GRM7: variants seen among roughly 807,000 people sequenced by gnomAD.
The protein encoded by GRM7 is metabotropic glutamate receptor 7.
A neutral mutation model predicts 84.5 loss-of-function variants in GRM7; 35 were observed. The ratio of observed to expected loss-of-function variants is 0.41; its 90% confidence interval spans 0.32 to 0.55. The LOEUF (loss-of-function observed/expected upper bound fraction) is 0.55, where lower values mean the gene tolerates loss of function less well. GRM7 is among the 20% of genes least tolerant of loss of function. The pLI is 0.19. For missense variants in GRM7, 1,003 were observed against 1,194.6 expected (o/e 0.84, Z 2.36); for synonymous variants, 487 against 455.1 (o/e 1.07, Z -0.89).
At chr3:7,579,632 TTATC>T (rs1695149550) in intron 8 of GRM7, among the ~76,000 whole-genome samples, 1 of 152,196 alleles carries the variant, frequency 6.6e-6, no homozygotes, top group Non-Finnish European at 1.5e-5. Flanking sequence ...TAGCATAAAA[TTATC>T]TATCTAAAAT....
At position 7,168,691 on chromosome 3, in the gene GRM7, C is replaced by T. The variant is rs184665484; in HGVS notation, c.736+22023C>T. ...TCCTGTTAATATAATCTAAATATAC[C>T]ATACAACACTAACAATTTAGCTGCC... On this transcript the variant is annotated intron_variant, in intron 2 of 9. Transcript: ENST00000357716. Among the ~76,000 whole-genome samples, 35 of 152,226 alleles carry T rather than the reference C, an allele frequency of 2.3e-4. 1 individual carries two copies. The East Asian group carries it at 6.6e-3, about 29-fold the overall frequency.
chr3:7,096,317 G>A (rs1698859014), intron 1 of GRM7, among the ~76,000 whole-genome samples: 1 of 152,116 alleles, frequency 6.6e-6, no homozygotes, highest in African/African-American at 2.4e-5. Context: ...GCCATACTTT[G>A]AGGGTCCCCA....
intron 2 of GRM7, among the ~76,000 whole-genome samples, chr3:7,218,080 T>C (rs1696674894): frequency 1.3e-5 from 2 of 152,164 alleles, no homozygotes; most frequent in Non-Finnish European, 2.9e-5. Context: ...CTGTAGTGAC[T>C]GGGATATGAC....
At chr3:7,675,088 T>A (rs1003498101) in intron 8 of GRM7, among the ~76,000 whole-genome samples, 2 of 152,198 alleles carry the variant, frequency 1.3e-5, no homozygotes, top group Admixed American at 6.5e-5. Flanking sequence ...TGGTGATTCA[T>A]TAGTATTCAT....
intron 1 of GRM7, among the ~76,000 whole-genome samples, chr3:7,076,494 C>A (rs960548347): frequency 1.3e-5 from 2 of 152,146 alleles, no homozygotes; most frequent in African/African-American, 4.8e-5. Flanking sequence ...ATGTAAGATG[C>A]ACTTGCTTCC....
intron 8 of GRM7, among the ~76,000 whole-genome samples, chr3:7,670,346 T>C (rs960586247): frequency 2.0e-5 from 3 of 152,166 alleles, no homozygotes; most frequent in African/African-American, 7.2e-5. Flanking sequence ...TAAGAGCCAG[T>C]ATTAACAAGA....
chr3:7,589,194 T>G (rs930303788), intron 8 of GRM7, among the ~76,000 whole-genome samples: 1 of 152,236 alleles, frequency 6.6e-6, no homozygotes, highest in Non-Finnish European at 1.5e-5. Flanking sequence ...CCCTTGGTTT[T>G]AACCCAGCAA....
At chr3:7,287,898 C>G (rs1699486075) in intron 2 of GRM7, among the ~76,000 whole-genome samples, 2 of 152,210 alleles carry the variant, frequency 1.3e-5, no homozygotes, top group African/African-American at 4.8e-5. Context: ...TAGCACAATT[C>G]TTAAAGCTCA....
chr3:6,981,786 CA>C (rs200539138), intron 1 of GRM7, among the ~76,000 whole-genome samples: 4 of 151,694 alleles, frequency 2.6e-5, no homozygotes, highest in Non-Finnish European at 5.9e-5. Flanking sequence ...ATTAGAACAT[CA>C]AAAAAACAAC....
rs181003333 is a variant in GRM7 at position 7,338,199 on chromosome 3, C to A, written c.1033+31547C>A. ...GATAAAATAATGGCATTTGCAACAA[C>A]GTGGATGGAGTTGGAGACCATTATT... is the stretch of plus-strand genomic sequence containing the variant. On this transcript the variant is annotated intron_variant, in intron 4 of 9. Coordinates refer to ENST00000357716, the MANE Select transcript of GRM7 (RefSeq NM_000844.4). Among the ~76,000 whole-genome samples the A allele has an allele frequency of 2.0e-4, 31 of 151,626 alleles. No individual in the cohort carries two copies. In the East Asian group the frequency reaches 3.5e-3, roughly 17 times the overall value.
intron 1 of GRM7, among the ~76,000 whole-genome samples, chr3:7,114,257 G>A (rs1020730577): frequency 2.0e-5 from 3 of 152,114 alleles, no homozygotes; most frequent in Admixed American, 6.6e-5. Context: ...CATTGTAATG[G>A]TTTAATGAGC....
chr3:6,864,088 C>T (rs1342927019), intron 1 of GRM7, among the ~76,000 whole-genome samples: 1 of 152,142 alleles, frequency 6.6e-6, no homozygotes, highest in African/African-American at 2.4e-5. Context: ...TTAGCGTTAG[C>T]GTTATGGCTG....
At chr3:6,996,059 T>A (rs1019433949) in intron 1 of GRM7, among the ~76,000 whole-genome samples, 4 of 151,874 alleles carry the variant, frequency 2.6e-5, no homozygotes, top group South Asian at 2.1e-4. Flanking sequence ...TACAATATAT[T>A]TTTTTTTGAG....
chr3:7,434,802 CA>C (rs528143443), intron 5 of GRM7, among the ~76,000 whole-genome samples: 1 of 151,954 alleles, frequency 6.6e-6, no homozygotes, highest in African/African-American at 2.4e-5. Context: ...ATGCTGGACA[CA>C]AAAAAATGAG....
chr3:6,917,919 A>G (rs1216643162), intron 1 of GRM7, among the ~76,000 whole-genome samples: 1 of 152,174 alleles, frequency 6.6e-6, no homozygotes, highest in Non-Finnish European at 1.5e-5. Flanking sequence ...AAAGGGATCA[A>G]TTTGGAATTA....
intron 8 of GRM7, among the ~76,000 whole-genome samples, chr3:7,622,299 A>G (rs1284565317): frequency 1.3e-5 from 2 of 152,124 alleles, no homozygotes; most frequent in South Asian, 2.1e-4. Flanking sequence ...CCTTCCCTTC[A>G]TATTGTCTCT....
intron 8 of GRM7, among the ~76,000 whole-genome samples, chr3:7,652,470 C>G (rs1195518899): frequency 6.6e-6 from 1 of 152,200 alleles, no homozygotes; most frequent in Non-Finnish European, 1.5e-5. Context: ...GTTTGCTTAG[C>G]TCTGCCCCTT....
intron 8 of GRM7, among the ~76,000 whole-genome samples, chr3:7,586,638 T>G (rs988721596): frequency 7.9e-5 from 12 of 152,086 alleles, no homozygotes; most frequent in South Asian, 2.1e-4. Context: ...TGAAATCCTG[T>G]CTCTACCTAA....
In GRM7 at chr3:7,320,663, C is replaced by T. The variant is rs75284854; in HGVS notation, c.1033+14011C>T. Among the ~76,000 whole-genome samples the T allele has an allele frequency of 6.4e-3, 916 of 142,184 alleles. 9 individuals are homozygous for T. Among genetic ancestry groups the T allele is most frequent in the African/African-American group, 0.023 (853 of 36,944 alleles). The allele number at this position is 142,184 out of a possible 152,430, so 93.3% of individuals were successfully genotyped here. Reference sequence around the variant, plus strand: ...ATATTTTGGGGTAGCATATCCTGAACACCATCAGTGGGTGATCAGTGTGTG... The same window carrying T: ...ATATTTTGGGGTAGCATATCCTGAATACCATCAGTGGGTGATCAGTGTGTG... On this transcript the variant is annotated intron_variant, in intron 4 of 9. Transcript: ENST00000357716.
Sources: allele counts gnomAD v4.1 joint callset (sites outside exome capture counted in the v4.1 genomes callset), GRCh38; gene constraint gnomAD v4.1.1; transcripts MANE v1.5; gene names NCBI Gene and HGNC (gene_info 2026-07-23, HGNC 2026-07-21).